ARHGEF33: variants seen among roughly 807,000 people sequenced by gnomAD.
ARHGEF33 encodes the protein Rho guanine nucleotide exchange factor 33, also known as DH and coiled-coil domain-containing protein ENSP00000381780.
Under a neutral mutation model 101.9 loss-of-function variants are expected in ARHGEF33, and 72 were observed. That is an observed-to-expected ratio of 0.71 (90% confidence interval 0.58 to 0.86). ARHGEF33 has a LOEUF of 0.86. Ranked by LOEUF, ARHGEF33 falls within the 40% of genes least tolerant of loss-of-function variation. ARHGEF33 has a pLI of 0.00. For synonymous variants in ARHGEF33, 499 were observed against 442.5 expected, an observed-to-expected ratio of 1.13 and a Z score of -1.60; for missense variants, 1,169 against 1,111.3, an observed-to-expected ratio of 1.05 and a Z score of -0.74.
At chr2:38,949,578 T>C (rs759903467) in intron 10 of ARHGEF33, among the ~76,000 whole-genome samples, 15 of 152,118 alleles carry the variant, frequency 9.9e-5, no homozygotes, top group Non-Finnish European at 1.9e-4. Context: ...AGGAGGTACA[T>C]TGCAAGATGG....
intron 2 of ARHGEF33, among the ~76,000 whole-genome samples, chr2:38,903,722 TCTGCAAATACC>T: frequency 6.6e-6 from 1 of 152,240 alleles, no homozygotes; most frequent in Non-Finnish European, 1.5e-5. Flanking sequence ...ACCCTATAAC[TCTGCAAATACC>T]CTTTAGGGCC....
At chr2:38,901,741 C>G (rs1666244615) in intron 2 of ARHGEF33, among the ~76,000 whole-genome samples, 1 of 152,194 alleles carries the variant, frequency 6.6e-6, no homozygotes, top group Non-Finnish European at 1.5e-5. Context: ...GGTCAATCAG[C>G]TATTTAAATC....
rs749770949 is a variant in ARHGEF33 at position 38,921,403 on chromosome 2, C to A, written c.55C>A (p.Pro19Thr). The change falls in exon 4 of 18, where the codon CCT becomes ACT. Residue 19 changes from proline (P) to threonine (T), a missense_variant. Physicochemically the swap from Pro to Thr is conservative, Grantham distance 38 (BLOSUM62 -1). Transcript: ENST00000409978. ...GENEHMPVNN[P>T]STQIYQLQAL... ...GAATGAACATATGCCGGTGAATAAT[C>A]CTTCCACGCAGATTTACCAGGTAAA... 18 of 1,546,826 alleles carry A rather than the reference C, an allele frequency of 1.2e-5. No individual in the cohort carries two copies. The South Asian group carries it at 2.0e-4, about 17-fold the overall frequency.
At chr2:38,959,104 G>A (rs933969892) in intron 15 of ARHGEF33, among the ~76,000 whole-genome samples, 1 of 152,188 alleles carries the variant, frequency 6.6e-6, no homozygotes, top group Non-Finnish European at 1.5e-5. Context: ...GTCAATTTAA[G>A]TCCAGAACAA....
At chr2:38,928,454 C>A (rs1354146155) in intron 4 of ARHGEF33, among the ~76,000 whole-genome samples, 1 of 152,086 alleles carries the variant, frequency 6.6e-6, no homozygotes, top group South Asian at 2.1e-4. Context: ...AGTTGTTACT[C>A]TATTTATTCT....
chr2:38,958,076 T>C lies in ARHGEF33; in HGVS notation c.1413T>C (p.Cys471=), dbSNP rs1667814896. ...TGTACAAAGGGCTGGCTTCCCAGTG[T>C]GCCAATGCTGGGCAAGATGCTTCCC... ...AKLYKGLASQ[C]ANAGQDASPT... is the part of the protein sequence containing the mutation. The change falls in exon 15 of 18, where the codon TGT becomes TGC. Residue 471 remains cysteine (C), a synonymous_variant. Coordinates refer to ENST00000409978, the MANE Select transcript of ARHGEF33 (RefSeq NM_001145451.5). The C allele has an allele frequency of 1.9e-6, 3 of 1,552,252 alleles. No individual in the cohort carries two copies. In the East Asian group the frequency reaches 7.3e-5, roughly 38 times the overall value.
chr2:38,973,634 A>G, intron 17 of ARHGEF33, 80 bp from the exon 18 acceptor site: 1 of 1,379,938 alleles, frequency 7.2e-7, no homozygotes, highest in Non-Finnish European at 9.5e-7. Flanking sequence ...ACAAATGCAA[A>G]ACAATTGGGA....
intron 13 of ARHGEF33, 131 bp from the exon 14 acceptor site, chr2:38,956,768 C>T: frequency 9.1e-7 from 1 of 1,094,370 alleles, no homozygotes; most frequent in Admixed American, 2.5e-5. Context: ...AGATGGGGGT[C>T]ATGTGTATTG....
intron 2 of ARHGEF33, among the ~76,000 whole-genome samples, chr2:38,897,751 C>G (rs1666152323): frequency 6.6e-6 from 1 of 152,144 alleles, no homozygotes; most frequent in South Asian, 2.1e-4. Flanking sequence ...CACAGAAAAA[C>G]AGGGCTGAAC....
chr2:38,925,330 T>C (rs761811301), intron 4 of ARHGEF33, among the ~76,000 whole-genome samples: 11 of 152,190 alleles, frequency 7.2e-5, no homozygotes, highest in African/African-American at 1.2e-4. Context: ...CCTACAGTAA[T>C]AGGTTTCATC....
rs1267064894 is a variant in ARHGEF33, at chr2:38,959,957, G to C, written c.1652G>C (p.Ser551Thr). ...LEGRKHERPE[S>T]LLAPTQFCAA... ...GGCAGGAAGCACGAGCGGCCCGAGAGCCTTCTGGCACCGACGCAGTTCTGC... is the reference window on the plus strand; with the variant it reads ...GGCAGGAAGCACGAGCGGCCCGAGACCCTTCTGGCACCGACGCAGTTCTGC... Residue 551 changes from serine to threonine, a missense_variant, in exon 16 of 18, where the codon AGC becomes ACC. Coordinates refer to ENST00000409978, the MANE Select transcript of ARHGEF33 (RefSeq NM_001145451.5). The C allele has an allele frequency of 1.9e-6, 3 of 1,551,394 alleles. No individual in the cohort carries two copies. Among genetic ancestry groups the C allele is most frequent in the African/African-American group, 1.4e-5 (1 of 73,168 alleles).
intron 9 of ARHGEF33, among the ~76,000 whole-genome samples, chr2:38,938,560 T>C (rs1052464279): frequency 2.6e-5 from 4 of 152,170 alleles, no homozygotes; most frequent in African/African-American, 9.7e-5. Flanking sequence ...AGTTTTACAC[T>C]ATTTTTTTTA....
chr2:38,951,454 T>A (rs1395589153), intron 11 of ARHGEF33, among the ~76,000 whole-genome samples: 1 of 152,164 alleles, frequency 6.6e-6, no homozygotes, highest in African/African-American at 2.4e-5. Flanking sequence ...GTGTGTGTGT[T>A]TTTATATAAA....
chr2:38,903,061 T>C (rs977977910), intron 2 of ARHGEF33, among the ~76,000 whole-genome samples: 1 of 152,216 alleles, frequency 6.6e-6, no homozygotes, highest in Admixed American at 6.5e-5. Context: ...AGATAAATCA[T>C]AGCTTGAGGT....
rs1449453215 is a variant in ARHGEF33 at position 38,960,549 on chromosome 2, C to T, written c.2244C>T (p.Gly748=). 1.6e-5 allele frequency: 21 copies of T among 1,276,648 alleles called. No homozygotes were observed. Among genetic ancestry groups the T allele is most frequent in the South Asian group, 2.1e-5 (1 of 48,108 alleles). 79.1% of individuals were successfully genotyped at this position (1,276,648 alleles called of 1,614,324 possible). The change falls in exon 16 of 18, where the codon GGC becomes GGT. Residue 748 remains glycine (G), a synonymous_variant. Transcript: ENST00000409978. ...CCGAGCGCGCCGCGCAGGCGCACGG[C>T]CCGGCCGCCGCCGCCGTCGCCGCCC... ...IKAERAAQAH[G]PAAAAVAARG... is the part of the protein sequence containing the mutation.
Position 38,973,836 on chromosome 2 carries a change from C to A in ARHGEF33, c.2606C>A (p.Ala869Asp). The change falls in exon 18 of 18, where the codon GCT becomes GAT. Residue 869 changes from alanine to aspartate, a missense_variant. Ala to Asp is a moderately radical substitution (Grantham distance 126, BLOSUM62 -2). Coordinates refer to ENST00000409978, the MANE Select transcript of ARHGEF33 (RefSeq NM_001145451.5). ...GCAAATGACCTTGACCAAGGAACAG[C>A]TGTGTAAAACATACTTAAAGTTGTA... ...ALANDLDQGT[A>D]V is the part of the protein sequence containing the mutation. 1 of 1,545,152 alleles carries A rather than the reference C, an allele frequency of 6.5e-7. No homozygotes were observed. Among genetic ancestry groups the A allele is most frequent in the Non-Finnish European group, 8.7e-7 (1 of 1,144,582 alleles).
chr2:38,939,856 C>T (rs1028761310), intron 9 of ARHGEF33, among the ~76,000 whole-genome samples: 5 of 152,152 alleles, frequency 3.3e-5, no homozygotes, highest in Non-Finnish European at 7.3e-5. Context: ...ACTTTCTTGT[C>T]TTTCTGAGAA....
chr2:38,907,910 G>A (rs1666427475), intron 2 of ARHGEF33, among the ~76,000 whole-genome samples: 1 of 149,818 alleles, frequency 6.7e-6, no homozygotes, highest in Admixed American at 6.7e-5. Context: ...CCAGGCTGGA[G>A]TGCAGTGGCA....
rs150576854 is a variant in ARHGEF33 at position 38,909,982 on chromosome 2, T to A, written c.-85-9381T>A. ...TTATTTAGAATACGTATAGTTATTTTTTTATTTATTTATGTAGGCTATCCT... is the reference window on the plus strand; with the variant it reads ...TTATTTAGAATACGTATAGTTATTTATTTATTTATTTATGTAGGCTATCCT... On this transcript the variant is annotated intron_variant, in intron 2 of 17. Transcript: ENST00000409978. 4.2e-3 allele frequency among the ~76,000 whole-genome samples: 643 copies of A among 152,256 alleles called. 6 individuals are homozygous for A. Among genetic ancestry groups the A allele is most frequent in the African/African-American group, 0.015 (614 of 41,568 alleles).
Sources: allele counts gnomAD v4.1 joint callset (sites outside exome capture counted in the v4.1 genomes callset), GRCh38; gene constraint gnomAD v4.1.1; transcripts MANE v1.5; gene names NCBI Gene and HGNC (gene_info 2026-07-23, HGNC 2026-07-21).